The following CPVL variants were observed in gnomAD, a reference collection of about 807,000 sequenced individuals.
The protein encoded by CPVL is carboxypeptidase vitellogenic like.
In CPVL, 51 loss-of-function variants were observed where a neutral mutation model predicts 63.7. That is an observed-to-expected ratio of 0.80 (90% confidence interval 0.64 to 1.01). CPVL has a LOEUF of 1.01. CPVL is among the 50% of genes least tolerant of loss of function. CPVL has a pLI of 0.00. For missense variants in CPVL, 530 were observed against 573.1 expected, an observed-to-expected ratio of 0.92 and a Z score of 0.77; for synonymous variants, 195 against 206.0, an observed-to-expected ratio of 0.95 and a Z score of 0.46.
At chr7:29,163,545 AT>A (rs897091929) in intron 5 of CPVL, among the ~76,000 whole-genome samples, 3 of 151,182 alleles carry the variant, frequency 2.0e-5, no homozygotes, top group Admixed American at 6.6e-5. Flanking sequence ...GACAATATCC[AT>A]TTTTTTTTAC....
At chr7:29,102,396 G>C (rs892220005) in intron 3 of CPVL, among the ~76,000 whole-genome samples, 4 of 152,008 alleles carry the variant, frequency 2.6e-5, no homozygotes, top group Non-Finnish European at 5.9e-5. Context: ...GGAATGGAGA[G>C]ACACTAGATT....
At chr7:29,021,906 C>T (rs537090122) in intron 12 of CPVL, among the ~76,000 whole-genome samples, 26 of 152,248 alleles carry the variant, frequency 1.7e-4, no homozygotes, top group African/African-American at 4.8e-4. Flanking sequence ...TACAGCATCA[C>T]GATACTGGCT....
intron 11 of CPVL, among the ~76,000 whole-genome samples, chr7:29,043,566 A>G (rs533532175): frequency 6.6e-6 from 1 of 152,322 alleles, no homozygotes; most frequent in Admixed American, 6.5e-5. Flanking sequence ...GAGTGAAAAG[A>G]GTAGAGGGGA....
chr7:29,041,945 T>C (rs1215867294), intron 11 of CPVL, among the ~76,000 whole-genome samples: 2 of 152,248 alleles, frequency 1.3e-5, no homozygotes, highest in South Asian at 2.1e-4. Context: ...ATAGTTTTCA[T>C]GTGCCTTCTA....
intron 3 of CPVL, among the ~76,000 whole-genome samples, chr7:29,101,058 A>G (rs1375605026): frequency 6.6e-6 from 1 of 152,226 alleles, no homozygotes; most frequent in Non-Finnish European, 1.5e-5. Context: ...ATTATGTGAC[A>G]ATCCTTAGGG....
intron 11 of CPVL, among the ~76,000 whole-genome samples, chr7:29,059,822 A>G (rs1791096103): frequency 6.6e-6 from 1 of 151,780 alleles, no homozygotes; most frequent in South Asian, 2.1e-4. Context: ...TCCCTTCCTC[A>G]CCATTTGTTT....
intron 11 of CPVL, among the ~76,000 whole-genome samples, chr7:29,037,552 C>CAAAAAAAAAAAAAAAA (rs35631871): frequency 3.5e-5 from 2 of 56,368 alleles, no homozygotes; most frequent in Non-Finnish European, 6.3e-5. Context: ...GACTCCATCT[C>CAAAAAAAAAAAAAAAA]AAAAAAAAAA....
chr7:29,090,291 A>C (rs543206071), intron 6 of CPVL, among the ~76,000 whole-genome samples: 158 of 152,310 alleles, frequency 1.0e-3, no homozygotes, highest in African/African-American at 3.6e-3. Flanking sequence ...GCTCTGTTGG[A>C]ACCCGTGAAG....
At chr7:29,004,651 G>C (rs1436788694) in intron 12 of CPVL, among the ~76,000 whole-genome samples, 2 of 152,200 alleles carry the variant, frequency 1.3e-5, no homozygotes, top group African/African-American at 4.8e-5. Context: ...TTGGCATAAT[G>C]ACTTAACTAT....
chr7:29,085,686 C>T (rs567206288), intron 7 of CPVL, among the ~76,000 whole-genome samples: 3 of 152,322 alleles, frequency 2.0e-5, no homozygotes, highest in African/African-American at 7.2e-5. Context: ...ATCTGGCAGA[C>T]ACCACCTTGA....
intron 7 of CPVL, among the ~76,000 whole-genome samples, chr7:29,080,969 C>A (rs1784653286): frequency 6.6e-6 from 1 of 152,348 alleles, no homozygotes; most frequent in African/African-American, 2.4e-5. Context: ...ACCACATGCC[C>A]TGCTAGTTTG....
intron 11 of CPVL, among the ~76,000 whole-genome samples, chr7:29,034,819 G>A (rs1788362630): frequency 6.9e-6 from 1 of 144,440 alleles, no homozygotes; most frequent in African/African-American, 2.7e-5. Context: ...ACAGGCATGA[G>A]CCACTGCACC....
chr7:29,092,258 C>T (rs1785892791), intron 6 of CPVL, among the ~76,000 whole-genome samples: 1 of 149,606 alleles, frequency 6.7e-6, no homozygotes, highest in African/African-American at 2.5e-5. Flanking sequence ...GCTAAGTTTT[C>T]AGCCTGGAAA....
chr7:29,037,319 C>T (rs959269307), intron 11 of CPVL, among the ~76,000 whole-genome samples: 2 of 151,334 alleles, frequency 1.3e-5, no homozygotes, highest in Non-Finnish European at 2.9e-5. Context: ...CCGAGGTGGG[C>T]GGATCACAAG....
At chr7:29,064,333 G>C in intron 10 of CPVL, 99 bp from the exon 11 acceptor site, 1 of 644,948 alleles carries the variant, frequency 1.6e-6, no homozygotes, top group Admixed American at 3.0e-5. Context: ...ACAACATGGA[G>C]AAACGTGACG....
intron 7 of CPVL, among the ~76,000 whole-genome samples, chr7:29,080,557 CAAA>C (rs138264408): frequency 1.5e-3 from 157 of 103,174 alleles, no homozygotes; most frequent in African/African-American, 4.2e-3. Flanking sequence ...CACTTTGTCT[CAAA>C]AAAAAAAAAA....
chr7:28,996,012 C>T (rs986841078), intron 12 of CPVL, 130 bp from the exon 13 acceptor site: 16 of 544,150 alleles, frequency 2.9e-5, no homozygotes, highest in Non-Finnish European at 4.7e-5. Flanking sequence ...CCAATGCATG[C>T]CTTTGGACAA....
At chr7:29,053,448 C>G (rs765197688) in intron 11 of CPVL, among the ~76,000 whole-genome samples, 1 of 151,850 alleles carries the variant, frequency 6.6e-6, no homozygotes, top group Non-Finnish European at 1.5e-5. Context: ...ATGTATGAAC[C>G]CTGAAAACAT....
Position 29,057,875 on chromosome 7 carries a change from T to C in CPVL, c.1137+6186A>G, listed in dbSNP as rs1393725638. Among the ~76,000 whole-genome samples the C allele has an allele frequency of 2.6e-5, 4 of 152,316 alleles. No individual in the cohort carries two copies. The South Asian group carries it at 6.2e-4, about 24-fold the overall frequency. ...TCCATCAACCTATTTGCCTATTCTT[T>C]TGCCAATGCCATACTTAATTATTAC... On this transcript the variant is annotated intron_variant, in intron 11 of 12. Coordinates refer to ENST00000265394, the MANE Select transcript of CPVL (RefSeq NM_031311.5).
Sources: gnomAD v4.1 joint callset for allele counts (sites outside exome capture counted in the v4.1 genomes callset) on GRCh38, gnomAD v4.1.1 for gene constraint, MANE v1.5 for transcripts, NCBI Gene and HGNC (gene_info 2026-07-23, HGNC 2026-07-21) for gene names.